HAUS5: variants seen among roughly 807,000 people sequenced by gnomAD.
HAUS5 encodes HAUS augmin-like complex subunit 5.
In HAUS5, 67 loss-of-function variants were observed where a neutral mutation model predicts 94.1. The observed-to-expected ratio is 0.71, with a 90% CI of 0.58 to 0.87. The LOEUF is 0.87. HAUS5 is among the 40% of genes least tolerant of loss of function. HAUS5 has a pLI of 0.00. For synonymous variants in HAUS5, 339 were observed against 355.4 expected, an observed-to-expected ratio of 0.95 and a Z score of 0.52; for missense variants, 739 against 825.6, an observed-to-expected ratio of 0.90 and a Z score of 1.29.
intron 4 of HAUS5, 143 bp downstream of exon 4, chr19:35,614,202 G>A (rs2071920921): frequency 1.3e-6 from 1 of 757,488 alleles, no homozygotes; most frequent in South Asian, 1.5e-5. Context: ...AGGGCTTAAA[G>A]TCCAGTGGAA....
rs772550535 is a variant in HAUS5, at chr19:35,620,062, C to T, written c.1457C>T (p.Ala486Val). The T allele has an allele frequency of 6.2e-6, 10 of 1,613,852 alleles. 1 individual carries two copies. The highest frequency in any genetic ancestry group is 4.4e-5 in the South Asian group (4 of 91,082). ...VLPSIHQLHPASPRGSSFIAL... is the reference protein window; with the variant it reads ...VLPSIHQLHPVSPRGSSFIAL... The stretch of plus-strand genomic sequence containing the variant: ...CCATCCATCCACCAGCTGCACCCCG[C>T]GTCCCCAAGGGGCTCCAGCTTCATA... Residue 486 changes from alanine to valine, a missense_variant, in exon 16 of 19, where the codon GCG (alanine) becomes GTG (valine). Coordinates refer to ENST00000203166, the MANE Select transcript of HAUS5 (RefSeq NM_015302.2).
At chr19:35,620,962 C>T (rs1455493172) in intron 17 of HAUS5, among the ~76,000 whole-genome samples, 1 of 152,168 alleles carries the variant, frequency 6.6e-6, no homozygotes, top group African/African-American at 2.4e-5. Context: ...GATGAGGAAA[C>T]TGAAGGTTAG....
In HAUS5 at chr19:35,622,976, CAGA is replaced by C. The variant is rs770086575; in HGVS notation, c.1888_1890del (p.Lys630del). On this transcript the variant is annotated inframe_deletion, in exon 19 of 19. Transcript: ENST00000203166. ...CTGGGTTCAGGCCCAGGGGGCCCTG[CAGA>C]AGCTGTGCAGCTGAAGAGAGGGTTC... The C allele has an allele frequency of 7.5e-6, 12 of 1,610,342 alleles. No homozygotes were observed. In the South Asian group the frequency reaches 9.9e-5, roughly 13 times the overall value.
In HAUS5 at chr19:35,612,899, A is replaced by G. The variant is rs2071907969; in HGVS notation, c.98+7A>G. On this transcript the variant is annotated splice_region_variant and intron_variant, in intron 1 of 18. Transcript: ENST00000203166. The stretch of plus-strand genomic sequence containing the variant: ...CGGAATCGACGCTGCGCAGGTGAGG[A>G]CCGCTCCTGGAGTGAGGACACCCCA... 2.0e-6 allele frequency: 3 copies of G among 1,534,350 alleles called. No individual in the cohort carries two copies. The South Asian group carries it at 3.6e-5, about 19-fold the overall frequency.
chr19:35,616,706 C>T (rs1458125773), intron 6 of HAUS5, among the ~76,000 whole-genome samples: 2 of 152,054 alleles, frequency 1.3e-5, no homozygotes, highest in Non-Finnish European at 2.9e-5. Flanking sequence ...TTAGTAGAGA[C>T]GGGGTTTCAC....
In HAUS5 at chr19:35,618,413, C is replaced by T. The variant is rs756035655; in HGVS notation, c.833C>T (p.Pro278Leu). Residue 278 changes from proline (P) to leucine (L), a missense_variant, in exon 11 of 19, where the codon CCG (proline) becomes CTG (leucine). By Grantham distance (98) the Pro-to-Leu change is moderately conservative (BLOSUM62 -3). Transcript: ENST00000203166. ...TTCCCCCACCCCAGACCCCAGGCCC[C>T]GGACCAGTCAGACTCCAGCCAGACC... is the stretch of plus-strand genomic sequence containing the variant. ...GDTEISRPQA[P>L]DQSDSSQTLP... The T allele has an allele frequency of 3.8e-5, 61 of 1,613,334 alleles. No individual in the cohort carries two copies. The East Asian group carries it at 8.7e-4, about 23-fold the overall frequency.
rs191630614 is a variant in HAUS5, at chr19:35,618,574, C to T, written c.891C>T (p.Gly297=). 1.9e-6 allele frequency: 3 copies of T among 1,604,366 alleles called. No individual in the cohort carries two copies. The Admixed American group carries it at 5.0e-5, about 27-fold the overall frequency. ...LPSMVHLIQE[G]WRTVGVLVSQ... ...ATTCTGTACCCCGCTTGCAGGAGGG[C>T]TGGCGGACTGTGGGTGTGCTGGTCT... The change falls in exon 12 of 19, where the codon GGC becomes GGT. Residue 297 remains glycine, a synonymous_variant. Coordinates refer to ENST00000203166, the MANE Select transcript of HAUS5 (RefSeq NM_015302.2).
At position 35,618,387 on chromosome 19, in the gene HAUS5, C is replaced by G; in HGVS notation, c.822-15C>G. On this transcript the variant is annotated splice_polypyrimidine_tract_variant and intron_variant, in intron 10 of 18. Coordinates refer to ENST00000203166, the MANE Select transcript of HAUS5 (RefSeq NM_015302.2). ...CCGCAGCACGGCTCCCTCAGCAGCT[C>G]TTCCCCCACCCCAGACCCCAGGCCC... 6.2e-7 allele frequency: 1 copy of G among 1,611,332 alleles called. No homozygotes were observed. The highest frequency in any genetic ancestry group is 1.3e-5 in the African/African-American group (1 of 74,976).
chr19:35,619,806 T>G, intron 15 of HAUS5, 48 bp downstream of exon 15: 16 of 1,508,220 alleles, frequency 1.1e-5, no homozygotes, highest in Non-Finnish European at 1.3e-5. Flanking sequence ...CTGCCATGGG[T>G]GACTGTCACT....
intron 6 of HAUS5, 144 bp from the exon 7 acceptor site, chr19:35,616,980 G>A: frequency 1.5e-6 from 1 of 652,894 alleles, no homozygotes. Context: ...CCAGCTGGGA[G>A]GTGACAGTGG....
intron 14 of HAUS5, 27 bp from the exon 15 acceptor site, chr19:35,619,584 GCC>G: frequency 6.5e-7 from 1 of 1,533,890 alleles, no homozygotes; most frequent in Non-Finnish European, 8.9e-7. Context: ...ATGTTGTGAT[GCC>G]CCACCCACCC....
chr19:35,612,784 G>C lies in HAUS5; in HGVS notation c.-11G>C. Reference sequence around the variant, plus strand: ...GGCTGAGGGAGGCGGTGTCGCCGCCGCGGCGCTGTCATGGAGCTAGCGCAG... The same window carrying C: ...GGCTGAGGGAGGCGGTGTCGCCGCCCCGGCGCTGTCATGGAGCTAGCGCAG... On this transcript the variant is annotated 5_prime_UTR_variant, in exon 1 of 19. Coordinates refer to ENST00000203166, the MANE Select transcript of HAUS5 (RefSeq NM_015302.2). The C allele has an allele frequency of 6.5e-7, 1 of 1,540,836 alleles. No individual in the cohort carries two copies. The highest frequency in any genetic ancestry group is 8.7e-7 in the Non-Finnish European group (1 of 1,143,416).
chr19:35,622,845 C>G (rs570715500), intron 18 of HAUS5, 31 bp from the exon 19 acceptor site: 1 of 1,606,866 alleles, frequency 6.2e-7, no homozygotes, highest in South Asian at 1.1e-5. Flanking sequence ...AGGGTCAGTC[C>G]TTTCCTCGTT....
At chr19:35,614,296 G>A in intron 4 of HAUS5, 1 of 583,342 alleles carries the variant, frequency 1.7e-6, no homozygotes, top group Non-Finnish European at 3.1e-6. Context: ...CATCTCAGGT[G>A]ATGAGATCAC....
Position 35,622,771 on chromosome 19 carries a change from G to A in HAUS5, c.1784+38G>A, listed in dbSNP as rs199864412. ...CGTGCCGCGGATGGGAAACAGAAAA[G>A]TCAGGACTCAAGCTGGGGGCCTGAT... On this transcript the variant is annotated intron_variant, in intron 18 of 18. Coordinates refer to ENST00000203166, the MANE Select transcript of HAUS5 (RefSeq NM_015302.2). The A allele has an allele frequency of 5.9e-4, 946 of 1,613,762 alleles. 4 individuals carry two copies. The Middle Eastern group carries it at 6.9e-3, about 12-fold the overall frequency.
At chr19:35,618,765 T>G (rs939640756) in intron 12 of HAUS5, 66 bp downstream of exon 12, 2 of 1,530,650 alleles carry the variant, frequency 1.3e-6, no homozygotes, top group Non-Finnish European at 1.8e-6. Flanking sequence ...CCCATTGGAC[T>G]TTTTCAGCCT....
chr19:35,620,181 C>A lies in HAUS5; in HGVS notation c.1519-14C>A, dbSNP rs1048730341. On this transcript the variant is annotated splice_polypyrimidine_tract_variant and intron_variant, in intron 16 of 18. Transcript: ENST00000203166. ...AGCCCCGCCCCAGGTGACCGTCCTT[C>A]CCTCCTCCTCCAGGCCTCGGAGCTG... 6.2e-7 allele frequency: 1 copy of A among 1,612,030 alleles called. No homozygotes were observed. Among genetic ancestry groups the A allele is most frequent in the Non-Finnish European group, 8.5e-7 (1 of 1,178,488 alleles).
At position 35,625,097 on chromosome 19, in the gene HAUS5, A is replaced by G. The variant is rs1967285524; in HGVS notation, c.*2104A>G. The G allele has an allele frequency of 6.6e-6, 1 of 152,180 alleles. No homozygotes were observed. The highest frequency in any genetic ancestry group is 2.4e-5 in the African/African-American group (1 of 41,426). The allele number at this position is 152,180 out of a possible 1,614,324, so 9.4% of individuals were successfully genotyped here. On this transcript the variant is annotated 3_prime_UTR_variant, in exon 19 of 19. Coordinates refer to ENST00000203166, the MANE Select transcript of HAUS5 (RefSeq NM_015302.2). ...TGAACTCAACAAAATCTTCAACTTC[A>G]TACAGTAGTCACATTGTTAGTAATA... is the stretch of plus-strand genomic sequence containing the variant.
In HAUS5 at chr19:35,617,388, C is replaced by T. The variant is rs201350206; in HGVS notation, c.638+19C>T. On this transcript the variant is annotated intron_variant, in intron 8 of 18. Coordinates refer to ENST00000203166, the MANE Select transcript of HAUS5 (RefSeq NM_015302.2). ...GCCTCCCGTGAGTGTCCCTAGCCCC[C>T]AGAGACCCTGTAAAGACCCTGGGTT... The T allele has an allele frequency of 7.4e-5, 116 of 1,568,574 alleles. No individual in the cohort carries two copies. The African/African-American group carries it at 1.2e-3, about 17-fold the overall frequency.
Sources: gnomAD v4.1 joint callset for allele counts (sites outside exome capture counted in the v4.1 genomes callset) on GRCh38, gnomAD v4.1.1 for gene constraint, MANE v1.5 for transcripts, NCBI Gene and HGNC (gene_info 2026-07-23, HGNC 2026-07-21) for gene names.